Variants in PFKFB3 observed in about 807,000 individuals in gnomAD.
PFKFB3 encodes 6-phosphofructo-2-kinase/fructose-2,6-bisphosphatase 3.
PFKFB3 carries 33 observed loss-of-function variants against 68.0 expected under a neutral mutation model. That is an observed-to-expected ratio of 0.49 (90% CI 0.37 to 0.65). The LOEUF (loss-of-function observed/expected upper bound fraction) is 0.65. Among genes scored for constraint, PFKFB3 ranks in the 30% least tolerant of loss-of-function variants. The pLI, the probability that PFKFB3 is intolerant of heterozygous loss-of-function variation, is 0.00. For synonymous variants in PFKFB3, 315 were observed against 288.2 expected, an observed-to-expected ratio of 1.09 and a Z score of -0.94; for missense variants, 586 against 712.2, an observed-to-expected ratio of 0.82 and a Z score of 2.02.
chr10:6,296,617 C>T, the PFKFB3 span, among the ~76,000 whole-genome samples: 7 of 152,174 alleles, frequency 4.6e-5, no homozygotes, highest in East Asian at 1.9e-4. Context: ...GGGCAATTCT[C>T]GGAACAGAGG....
At chr10:6,182,553 CTG>C (rs777059452) in intron 1 of PFKFB3, among the ~76,000 whole-genome samples, 4 of 152,248 alleles carry the variant, frequency 2.6e-5, no homozygotes, top group East Asian at 1.9e-4. Flanking sequence ...CACGCCAGCA[CTG>C]TGTTTCATCA....
the PFKFB3 span, among the ~76,000 whole-genome samples, chr10:6,305,126 T>C: frequency 7.1e-6 from 1 of 141,762 alleles, no homozygotes; most frequent in Non-Finnish European, 1.5e-5. Flanking sequence ...CCTTGCAAAA[T>C]GTTGGGATTG....
rs1845925443 is a variant in PFKFB3, at chr10:6,234,643, G to T, written c.*1701G>T. On this transcript the variant is annotated 3_prime_UTR_variant, in exon 15 of 15. Coordinates refer to ENST00000379775, the MANE Select transcript of PFKFB3 (RefSeq NM_004566.4). ...ATGTTGAGTCTCATCAGAATATGTG[G>T]GTAGGGGGTGGACGTGCACGGGTGC... The T allele has an allele frequency of 6.6e-6, 1 of 152,262 alleles. No individual in the cohort carries two copies. The highest frequency in any genetic ancestry group is 2.1e-4 in the South Asian group (1 of 4,826). The allele number at this position is 152,262 out of a possible 1,614,324, so 9.4% of individuals were successfully genotyped here.
At chr10:6,280,284 A>C in the PFKFB3 span, among the ~76,000 whole-genome samples, 1 of 152,224 alleles carries the variant, frequency 6.6e-6, no homozygotes, top group Non-Finnish European at 1.5e-5. Flanking sequence ...TTATTTGGAT[A>C]TGTAGACCAT....
At chr10:6,177,430 TTTTCTTTCTCTTTCTTTCTTTCTTTC>T (rs1344924765) in intron 1 of PFKFB3, among the ~76,000 whole-genome samples, 46 of 67,442 alleles carry the variant, frequency 6.8e-4, no homozygotes, top group Admixed American at 2.1e-3. Flanking sequence ...TCTTCCTTTC[TTTTCTTTCTCTTTCTTTCTTTCTTTC>T]TTTCTTTCTT....
intron 1 of PFKFB3, among the ~76,000 whole-genome samples, chr10:6,180,357 G>A (rs1842675706): frequency 6.6e-6 from 1 of 152,158 alleles, no homozygotes; most frequent in Admixed American, 6.5e-5. Flanking sequence ...ATTGTACAAA[G>A]GACAGGAAAA....
chr10:6,248,322 G>A (rs760069746), intron 14 of PFKFB3, among the ~76,000 whole-genome samples: 19 of 152,140 alleles, frequency 1.2e-4, no homozygotes, highest in African/African-American at 3.6e-4. Context: ...ACCACTCTAC[G>A]GAAAGACAGC....
the PFKFB3 span, among the ~76,000 whole-genome samples, chr10:6,260,218 C>A: frequency 6.6e-6 from 1 of 151,922 alleles, no homozygotes; most frequent in Non-Finnish European, 1.5e-5. Flanking sequence ...TCGAGACCAT[C>A]CTGGCTAACA....
rs1446338747 is a variant in PFKFB3, at chr10:6,224,167, T to A, written c.1295T>A (p.Ile432Asn). 1 of 1,614,094 alleles carries A rather than the reference T, an allele frequency of 6.2e-7. No homozygotes were observed. The highest frequency in any genetic ancestry group is 1.1e-5 in the South Asian group (1 of 91,084). ...PVAYGCRVES[I>N]YLNVESVCTH... is the part of the protein sequence containing the mutation. ...CCTCCAGGCTGCCGTGTGGAATCCA[T>A]CTACCTGAACGTGGAGTCCGTCTGC... The change falls in exon 13 of 15, where the codon ATC (isoleucine) becomes AAC (asparagine). Residue 432 changes from isoleucine (I) to asparagine (N), a missense_variant. Transcript: ENST00000379775.
intron 1 of PFKFB3, among the ~76,000 whole-genome samples, chr10:6,147,784 A>ACCTGACGGGGTGGTCCATACAGGGGAT (rs1564581241): frequency 1.3e-5 from 2 of 148,824 alleles, no homozygotes; most frequent in African/African-American, 5.2e-5. Flanking sequence ...CATACAGGGG[A>ACCTGACGGGGTGGTCCATACAGGGGAT]CCTGACGGGG....
chr10:6,164,309 G>A (rs978345254), intron 1 of PFKFB3, among the ~76,000 whole-genome samples: 1 of 152,240 alleles, frequency 6.6e-6, no homozygotes, highest in African/African-American at 2.4e-5. Context: ...TGGGTCTGTG[G>A]CTCCATCCGA....
intron 1 of PFKFB3, among the ~76,000 whole-genome samples, chr10:6,158,703 T>A (rs925696976): frequency 4.6e-5 from 7 of 151,990 alleles, no homozygotes; most frequent in Non-Finnish European, 1.0e-4. Flanking sequence ...CCATCTCTAC[T>A]AAAAATACAA....
the PFKFB3 span, among the ~76,000 whole-genome samples, chr10:6,291,377 C>A: frequency 6.6e-6 from 1 of 152,030 alleles, no homozygotes; most frequent in African/African-American, 2.4e-5. Flanking sequence ...CATGGTGAAA[C>A]CCTGTCTCCA....
In PFKFB3 at chr10:6,213,754, A is replaced by C. The variant is rs369948311; in HGVS notation, c.202+6A>C. 157 of 1,610,948 alleles carry C rather than the reference A, an allele frequency of 9.7e-5. No individual in the cohort carries two copies. Among genetic ancestry groups the C allele is most frequent in the Non-Finnish European group, 1.2e-4 (141 of 1,178,752 alleles). ...GATTGGCGTCCCCACAAAAGGTGAG[A>C]CTGGGTCTCGAGGCCGGACCCCTGC... is the stretch of plus-strand genomic sequence containing the variant. On this transcript the variant is annotated splice_donor_region_variant and intron_variant, in intron 2 of 14. Coordinates refer to ENST00000379775, the MANE Select transcript of PFKFB3 (RefSeq NM_004566.4).
the PFKFB3 span, among the ~76,000 whole-genome samples, chr10:6,286,366 C>A: frequency 5.9e-5 from 9 of 151,770 alleles, no homozygotes; most frequent in Admixed American, 1.3e-4. Context: ...CTCTGACAGT[C>A]TTTTATTTTA....
rs1845497374 is a variant in PFKFB3 at position 6,228,376 on chromosome 10, G to A, written c.1515+2011G>A. On this transcript the variant is annotated intron_variant, in intron 14 of 14. Coordinates refer to ENST00000379775, the MANE Select transcript of PFKFB3 (RefSeq NM_004566.4). The surrounding 1 kb of genome is among the most constrained non-coding windows in gnomAD (Gnocchi z 4.5). ...GATGGGCGTAGGAGTAGGGAGGAGA[G>A]ATTCCTGAATGTTTTTGGAAAAGCG... 2 of 789,956 alleles carry A rather than the reference G, an allele frequency of 2.5e-6. No homozygotes were observed. Among genetic ancestry groups the A allele is most frequent in the Admixed American group, 2.0e-5 (1 of 49,530 alleles). 48.9% of individuals were successfully genotyped at this position (789,956 alleles called of 1,614,324 possible).
At chr10:6,192,036 A>G (rs1445796090) in intron 1 of PFKFB3, among the ~76,000 whole-genome samples, 1 of 151,760 alleles carries the variant, frequency 6.6e-6, no homozygotes, top group Non-Finnish European at 1.5e-5. Flanking sequence ...TTAACTATCC[A>G]GGCCCACCCC....
At chr10:6,326,334 A>G in the PFKFB3 span, among the ~76,000 whole-genome samples, 1 of 152,170 alleles carries the variant, frequency 6.6e-6, no homozygotes, top group African/African-American at 2.4e-5. Context: ...GACCTAATGT[A>G]TGCTGGGTTT....
Position 6,215,894 on chromosome 10 carries a change from C to T in PFKFB3, c.300-231C>T, listed in dbSNP as rs542362285. 1.3e-4 allele frequency among the ~76,000 whole-genome samples: 20 copies of T among 152,278 alleles called. No homozygotes were observed. Among genetic ancestry groups the T allele is most frequent in the African/African-American group, 3.6e-4 (15 of 41,562 alleles). ...TTAGCAGCTCCCCAGGAGTGGTTCC[C>T]GCGTGCAGCCCGGTTTGAGCACCGC... On this transcript the variant is annotated intron_variant, in intron 3 of 14. Coordinates refer to ENST00000379775, the MANE Select transcript of PFKFB3 (RefSeq NM_004566.4). The surrounding 1 kb of genome is among the most constrained non-coding windows in gnomAD (Gnocchi z 4.3).
Sources: gnomAD v4.1 joint callset for allele counts (sites outside exome capture counted in the v4.1 genomes callset) on GRCh38, gnomAD v4.1.1 for gene constraint, Gnocchi (gnomAD v3.1) non-coding constraint, MANE v1.5 for transcripts, NCBI Gene and HGNC (gene_info 2026-07-23, HGNC 2026-07-21) for gene names.